Variants in CNTN4 observed in about 807,000 individuals in gnomAD.
CNTN4 encodes the protein contactin-4.
A neutral mutation model predicts 122.5 loss-of-function variants in CNTN4; 77 were observed. That is an observed-to-expected ratio of 0.63 (90% CI 0.52 to 0.76). The LOEUF is 0.76. CNTN4 is among the 30% of genes least tolerant of loss of function. CNTN4 has a pLI of 0.00. For missense variants in CNTN4, 1,256 were observed against 1,259.1 expected, an observed-to-expected ratio of 1.00 and a Z score of 0.04; for synonymous variants, 512 against 447.0, an observed-to-expected ratio of 1.15 and a Z score of -1.83.
intron 2 of CNTN4, among the ~76,000 whole-genome samples, chr3:2,283,104 A>C (rs2149912323): frequency 6.6e-6 from 1 of 152,216 alleles, no homozygotes; most frequent in Non-Finnish European, 1.5e-5. Context: ...AAACCATTGA[A>C]GTGTATGCTT....
chr3:2,526,102 C>T (rs1465211666), intron 3 of CNTN4, among the ~76,000 whole-genome samples: 2 of 151,930 alleles, frequency 1.3e-5, no homozygotes, highest in Non-Finnish European at 2.9e-5. Flanking sequence ...ATTTATAATC[C>T]CGCCCACCCT....
In CNTN4 at chr3:2,471,646, A is replaced by G. The variant is rs534215904; in HGVS notation, c.-88-99770A>G. On this transcript the variant is annotated intron_variant, in intron 3 of 24. Coordinates refer to ENST00000418658, the MANE Select transcript of CNTN4 (RefSeq NM_175607.3). ...ATCTGGCTTTGTTGAATTGGAGGCCATCTGTCCCTCCAGAGGTGCATTGGT... is the reference window on the plus strand; with the variant it reads ...ATCTGGCTTTGTTGAATTGGAGGCCGTCTGTCCCTCCAGAGGTGCATTGGT... 2.1e-4 allele frequency among the ~76,000 whole-genome samples: 32 copies of G among 152,328 alleles called. No individual in the cohort carries two copies. In the East Asian group the frequency reaches 4.6e-3, roughly 22 times the overall value.
chr3:2,225,107 C>T (rs2039224509), intron 2 of CNTN4, among the ~76,000 whole-genome samples: 1 of 151,380 alleles, frequency 6.6e-6, no homozygotes, highest in Non-Finnish European at 1.5e-5. Context: ...GCCGAGATCG[C>T]ACCACTGCAC....
intron 4 of CNTN4, among the ~76,000 whole-genome samples, chr3:2,690,889 T>C (rs1252934990): frequency 6.6e-6 from 1 of 152,154 alleles, no homozygotes; most frequent in Non-Finnish European, 1.5e-5. Flanking sequence ...GTGCAGAGAG[T>C]TGAATAGCTG....
At chr3:2,742,059 G>T (rs903756875) in intron 5 of CNTN4, among the ~76,000 whole-genome samples, 2 of 152,184 alleles carry the variant, frequency 1.3e-5, no homozygotes, top group South Asian at 4.1e-4. Context: ...GAAAGAGCAA[G>T]ACAAAGAATG....
At chr3:2,881,300 G>T (rs559489119) in intron 8 of CNTN4, among the ~76,000 whole-genome samples, 1 of 152,110 alleles carries the variant, frequency 6.6e-6, no homozygotes, top group South Asian at 2.1e-4. Context: ...ATCACCTGAG[G>T]TCAGGAATTC....
intron 4 of CNTN4, among the ~76,000 whole-genome samples, chr3:2,727,850 G>T (rs1477299488): frequency 6.6e-6 from 1 of 152,164 alleles, no homozygotes; most frequent in Non-Finnish European, 1.5e-5. Flanking sequence ...TCTGTTTCTT[G>T]CTGTTTAAAA....
intron 13 of CNTN4, among the ~76,000 whole-genome samples, chr3:2,983,554 G>T (rs1007687783): frequency 6.6e-6 from 1 of 152,084 alleles, no homozygotes; most frequent in African/African-American, 2.4e-5. Flanking sequence ...CACCTGTCCC[G>T]CCTGGTGTAT....
At chr3:2,644,107 A>G (rs758466802) in intron 4 of CNTN4, among the ~76,000 whole-genome samples, 1 of 152,180 alleles carries the variant, frequency 6.6e-6, no homozygotes, top group Admixed American at 6.5e-5. Flanking sequence ...GAGCCAGGGC[A>G]TCTGTCCCCA....
intron 8 of CNTN4, among the ~76,000 whole-genome samples, chr3:2,880,341 C>T (rs182769243): frequency 1.6e-4 from 24 of 152,324 alleles, no homozygotes; most frequent in Admixed American, 1.4e-3. Context: ...CCTGGGAAGA[C>T]GAAAGACCTC....
chr3:2,601,686 C>A (rs754185693), intron 4 of CNTN4, among the ~76,000 whole-genome samples: 4 of 152,106 alleles, frequency 2.6e-5, no homozygotes, highest in Admixed American at 1.3e-4. Context: ...CTTGGCAATG[C>A]GGGCTCTATT....
chr3:2,673,282 G>A (rs189477061), intron 4 of CNTN4, among the ~76,000 whole-genome samples: 115 of 152,228 alleles, frequency 7.6e-4, no homozygotes, highest in Admixed American at 1.8e-3. Context: ...ATGTACAGTC[G>A]ATTTATGCTA....
chr3:2,860,410 G>A (rs180942215), intron 7 of CNTN4, among the ~76,000 whole-genome samples: 1 of 152,244 alleles, frequency 6.6e-6, no homozygotes, highest in African/African-American at 2.4e-5. Flanking sequence ...AAAAATGAAA[G>A]CAGTGTCTGA....
At chr3:2,767,428 C>A (rs150031395) in intron 6 of CNTN4, among the ~76,000 whole-genome samples, 1 of 152,116 alleles carries the variant, frequency 6.6e-6, no homozygotes, top group Non-Finnish European at 1.5e-5. Context: ...TTAAAATAAA[C>A]GAATTGTTTG....
At chr3:2,655,613 T>A (rs1455383422) in intron 4 of CNTN4, among the ~76,000 whole-genome samples, 1 of 152,212 alleles carries the variant, frequency 6.6e-6, no homozygotes, top group Non-Finnish European at 1.5e-5. Context: ...GTTTCCAGAA[T>A]AAGTCATTGA....
chr3:2,560,503 T>G (rs977151324), intron 3 of CNTN4, among the ~76,000 whole-genome samples: 1 of 152,194 alleles, frequency 6.6e-6, no homozygotes, highest in East Asian at 1.9e-4. Flanking sequence ...ACACTTATAT[T>G]ATGTTCCTTT....
chr3:2,645,188 T>A (rs1340102446), intron 4 of CNTN4, among the ~76,000 whole-genome samples: 1 of 152,086 alleles, frequency 6.6e-6, no homozygotes, highest in African/African-American at 2.4e-5. Flanking sequence ...GAAATCAACA[T>A]GTCTTATCAA....
chr3:2,522,190 T>A (rs1006271837), intron 3 of CNTN4, among the ~76,000 whole-genome samples: 11 of 150,488 alleles, frequency 7.3e-5, no homozygotes, highest in South Asian at 2.1e-4. Flanking sequence ...TGTGTGTGTG[T>A]GAATAATTAA....
intron 14 of CNTN4, among the ~76,000 whole-genome samples, chr3:3,009,591 GC>G (rs67162201): frequency 0.63 from 94,648 of 150,728 alleles, 30,152 homozygotes; most frequent in Middle Eastern, 0.74. Flanking sequence ...CCGCCACCAC[GC>G]CCGGCTAATT....
Sources: allele counts gnomAD v4.1 joint callset (sites outside exome capture counted in the v4.1 genomes callset), GRCh38; gene constraint gnomAD v4.1.1; transcripts MANE v1.5; gene names NCBI Gene and HGNC (gene_info 2026-07-23, HGNC 2026-07-21).